COL23A1: variants seen among roughly 807,000 people sequenced by gnomAD.
COL23A1 encodes the protein collagen alpha-1(XXIII) chain.
COL23A1 carries 97 observed loss-of-function variants against 99.3 expected under a neutral mutation model. The observed-to-expected ratio is 0.98, with a 90% CI of 0.83 to 1.16. The LOEUF is 1.16. Among genes scored for constraint, COL23A1 ranks in the 50% most tolerant of loss-of-function variants. The probability of loss-of-function intolerance (pLI) is 0.00; values close to 1 mark genes in which losing one functional copy is unlikely to be tolerated. For synonymous variants in COL23A1, 320 were observed against 308.2 expected (o/e 1.04, Z -0.40); for missense variants, 762 against 757.4 (o/e 1.01, Z -0.07).
chr5:178,316,522 T>C (rs1758992516), intron 2 of COL23A1, among the ~76,000 whole-genome samples: 1 of 152,222 alleles, frequency 6.6e-6, no homozygotes, highest in Admixed American at 6.5e-5. Flanking sequence ...GATAATTACC[T>C]TGCTTAGAAG....
intron 13 of COL23A1, 152 bp downstream of exon 13, chr5:178,257,371 G>C (rs1765363359): frequency 3.6e-6 from 3 of 837,556 alleles, no homozygotes; most frequent in Non-Finnish European, 3.9e-6. Context: ...TGTGTGGTGG[G>C]GCCGCGGCCT....
chr5:178,264,963 A>G (rs937933526), intron 8 of COL23A1, among the ~76,000 whole-genome samples: 1 of 152,092 alleles, frequency 6.6e-6, no homozygotes, highest in African/African-American at 2.4e-5. Flanking sequence ...ATCTTATTCA[A>G]CCTTTGTGAT....
At chr5:178,401,541 T>G (rs1466894027) in intron 2 of COL23A1, among the ~76,000 whole-genome samples, 1 of 152,256 alleles carries the variant, frequency 6.6e-6, no homozygotes, top group Non-Finnish European at 1.5e-5. Context: ...TGTACCACAG[T>G]TTCTTTACCC....
At chr5:178,523,163 C>CATATATATATATATATATACACACATAT (rs70997608) in intron 2 of COL23A1, among the ~76,000 whole-genome samples, 1 of 95,562 alleles carries the variant, frequency 1.0e-5, no homozygotes, top group Admixed American at 1.4e-4. Context: ...TATATATATA[C>CATATATATATATATATATACACACATAT]ATATATATAT....
intron 2 of COL23A1, among the ~76,000 whole-genome samples, chr5:178,481,163 A>G (rs1757319041): frequency 6.7e-6 from 1 of 149,870 alleles, no homozygotes; most frequent in South Asian, 2.1e-4. Flanking sequence ...AAGAAAGAAA[A>G]TGTGACTTAC....
At chr5:178,543,382 C>T (rs61699952) in intron 2 of COL23A1, among the ~76,000 whole-genome samples, 202 of 152,286 alleles carry the variant, frequency 1.3e-3, no homozygotes, top group African/African-American at 4.7e-3. Context: ...GCTGGGATTA[C>T]AGGCGTGAGC....
chr5:178,441,044 G>C (rs1273483661), intron 2 of COL23A1, among the ~76,000 whole-genome samples: 1 of 152,204 alleles, frequency 6.6e-6, no homozygotes, highest in Admixed American at 6.5e-5. Flanking sequence ...CACTCCTTGA[G>C]GGCAGGGGCT....
intron 2 of COL23A1, among the ~76,000 whole-genome samples, chr5:178,392,513 G>C (rs1200868454): frequency 6.6e-6 from 1 of 152,152 alleles, no homozygotes; most frequent in Non-Finnish European, 1.5e-5. Flanking sequence ...CTGGCTAACT[G>C]TCAGGACAGC....
rs397746374 is a variant in COL23A1, at chr5:178,484,821, C to CAA, written c.361+75859_361+75860dup. ...TGGGTGAAAGAGCAAGACTCTGTCT[C>CAA]AAAAAAAAAAAAAAAAAAAAAAGAG... is the stretch of plus-strand genomic sequence containing the variant. On this transcript the variant is annotated intron_variant, in intron 2 of 28. Transcript: ENST00000390654. 5.5e-3 allele frequency among the ~76,000 whole-genome samples: 493 copies of CAA among 89,906 alleles called. 9 individuals are homozygous for CAA. Among genetic ancestry groups the CAA allele is most frequent in the South Asian group, 0.014 (35 of 2,570 alleles). 59.0% of individuals were successfully genotyped at this position (89,906 alleles called of 152,430 possible).
chr5:178,447,773 T>C (rs975727278), intron 2 of COL23A1, among the ~76,000 whole-genome samples: 4 of 152,116 alleles, frequency 2.6e-5, no homozygotes, highest in African/African-American at 4.8e-5. Context: ...GACCGCAAGA[T>C]GGAGAATCTG....
chr5:178,523,197 T>TAGAGAG (rs1416631747), intron 2 of COL23A1, among the ~76,000 whole-genome samples: 7 of 73,750 alleles, frequency 9.5e-5, no homozygotes, highest in African/African-American at 1.4e-4. Flanking sequence ...TATATATATA[T>TAGAGAG]ATATAGAGAG....
chr5:178,408,735 A>C (rs560600296), intron 2 of COL23A1, among the ~76,000 whole-genome samples: 1 of 152,140 alleles, frequency 6.6e-6, no homozygotes, highest in African/African-American at 2.4e-5. Flanking sequence ...CAGGCAGATC[A>C]CCTGAGGTAA....
Position 178,517,557 on chromosome 5 carries a change from G to GTTTTTTTTTTTTTCTT in COL23A1, c.361+43124_361+43125insAAGAAAAAAAAAAAAA, listed in dbSNP as rs35787274. Among the ~76,000 whole-genome samples, 18 of 84,940 alleles carry GTTTTTTTTTTTTTCTT rather than the reference G, an allele frequency of 2.1e-4. 4 individuals carry two copies. The highest frequency in any genetic ancestry group is 7.2e-4 in the African/African-American group (12 of 16,580). 55.7% of individuals were successfully genotyped at this position (84,940 alleles called of 152,430 possible). Reference sequence around the variant, plus strand: ...AGGGCTCAGACTCTCGGTGACAGCAGTTTTTTTTTTGTTTTTTTTTTTGAG... The same window carrying GTTTTTTTTTTTTTCTT: ...AGGGCTCAGACTCTCGGTGACAGCAGTTTTTTTTTTTTTCTTTTTTTTTTTTGTTTTTTTTTTTGAG... On this transcript the variant is annotated intron_variant, in intron 2 of 28. Transcript: ENST00000390654.
intron 2 of COL23A1, among the ~76,000 whole-genome samples, chr5:178,358,232 A>ATGTATG (rs1761880021): frequency 1.3e-5 from 1 of 77,534 alleles, no homozygotes; most frequent in Non-Finnish European, 2.7e-5. Context: ...TAATGTGTGT[A>ATGTATG]TGTGTGTATG....
chr5:178,336,995 G>GCAC (rs1760358682), intron 2 of COL23A1, among the ~76,000 whole-genome samples: 1 of 140,042 alleles, frequency 7.1e-6, no homozygotes, highest in East Asian at 2.3e-4. Flanking sequence ...CTCCTCCCCG[G>GCAC]AGCCAGCGAG....
At chr5:178,321,521 G>A (rs922550541) in intron 2 of COL23A1, among the ~76,000 whole-genome samples, 3 of 120,780 alleles carry the variant, frequency 2.5e-5, no homozygotes, top group African/African-American at 6.6e-5. Context: ...ATGCAGTCTC[G>A]CTCTGTTGCC....
At chr5:178,390,646 T>C (rs1007256621) in intron 2 of COL23A1, among the ~76,000 whole-genome samples, 6 of 152,244 alleles carry the variant, frequency 3.9e-5, no homozygotes, top group African/African-American at 1.2e-4. Context: ...TTAAAACTTG[T>C]CTGTTCTAAC....
intron 6 of COL23A1, among the ~76,000 whole-genome samples, chr5:178,268,997 G>A (rs1204758850): frequency 6.6e-6 from 1 of 152,106 alleles, no homozygotes; most frequent in African/African-American, 2.4e-5. Flanking sequence ...AGGGCCCACT[G>A]GCATCCTCGC....
chr5:178,358,703 A>ATGTG (rs906038195), intron 2 of COL23A1, among the ~76,000 whole-genome samples: 2 of 134,982 alleles, frequency 1.5e-5, no homozygotes, highest in African/African-American at 5.7e-5. Context: ...ATGTATGTGT[A>ATGTG]TGTGTGTATG....
Sources: allele counts gnomAD v4.1 joint callset (sites outside exome capture counted in the v4.1 genomes callset), GRCh38; gene constraint gnomAD v4.1.1; transcripts MANE v1.5; gene names NCBI Gene and HGNC (gene_info 2026-07-23, HGNC 2026-07-21).